PRKD1: variants seen among roughly 807,000 people sequenced by gnomAD.
PRKD1 encodes protein kinase D1, also known as serine/threonine-protein kinase D1.
A neutral mutation model predicts 95.9 loss-of-function variants in PRKD1; 63 were observed. The ratio of observed to expected loss-of-function variants is 0.66; its 90% confidence interval spans 0.54 to 0.81. PRKD1 has a LOEUF of 0.81. Ranked by LOEUF, PRKD1 falls within the 30% of genes least tolerant of loss-of-function variation. The probability of loss-of-function intolerance (pLI) is 0.00; values close to 1 mark genes in which losing one functional copy is unlikely to be tolerated. For synonymous variants in PRKD1, 425 were observed against 423.1 expected (o/e 1.00, Z -0.05); for missense variants, 1,048 against 1,165.3 (o/e 0.90, Z 1.47).
At chr14:29,647,789 T>C (rs533527271) in intron 4 of PRKD1, among the ~76,000 whole-genome samples, 2 of 152,186 alleles carry the variant, frequency 1.3e-5, no homozygotes, top group Admixed American at 1.3e-4. Context: ...CAAATAGGGG[T>C]GCAGGAGAGT....
At position 29,795,332 on chromosome 14, in the gene PRKD1, T is replaced by G. The variant is rs45462892; in HGVS notation, c.265-69658A>C. 5.9e-3 allele frequency among the ~76,000 whole-genome samples: 900 copies of G among 152,128 alleles called. 6 individuals are homozygous for G. Among genetic ancestry groups the G allele is most frequent in the Non-Finnish European group, 6.9e-3 (468 of 67,910 alleles). ...TTAATTACATTCAATCTCTTTTATA[T>G]ACTAAATGTCATCCTGTCATTGAAT... On this transcript the variant is annotated intron_variant, in intron 1 of 17. Transcript: ENST00000331968.
intron 1 of PRKD1, among the ~76,000 whole-genome samples, chr14:29,874,490 G>T (rs543432005): frequency 3.9e-5 from 6 of 152,226 alleles, no homozygotes; most frequent in African/African-American, 1.2e-4. Context: ...CAAAGGAAAA[G>T]AAATTAGTAT....
intron 1 of PRKD1, among the ~76,000 whole-genome samples, chr14:29,744,794 G>C (rs192160310): frequency 6.6e-6 from 1 of 152,060 alleles, no homozygotes; most frequent in East Asian, 1.9e-4. Context: ...TGATCCACCC[G>C]CCTTGGCCTC....
At chr14:29,812,559 T>G (rs1473315321) in intron 1 of PRKD1, among the ~76,000 whole-genome samples, 4 of 152,088 alleles carry the variant, frequency 2.6e-5, no homozygotes, top group Admixed American at 2.6e-4. Context: ...AAACCTACAA[T>G]CATGGTGGAA....
chr14:29,593,489 G>C (rs1893200092), intron 16 of PRKD1, among the ~76,000 whole-genome samples: 1 of 152,160 alleles, frequency 6.6e-6, no homozygotes, highest in Non-Finnish European at 1.5e-5. Context: ...CCGAATGATT[G>C]TTCCCTGGGT....
chr14:29,716,083 A>G (rs1403908047), intron 2 of PRKD1, among the ~76,000 whole-genome samples: 1 of 152,166 alleles, frequency 6.6e-6, no homozygotes. Flanking sequence ...CTTCACAGTA[A>G]CCAGAGCATA....
intron 1 of PRKD1, among the ~76,000 whole-genome samples, chr14:29,847,605 T>A (rs1466038324): frequency 2.0e-5 from 3 of 152,212 alleles, no homozygotes; most frequent in African/African-American, 7.2e-5. Context: ...ACTCTGATCA[T>A]ATATTTCATG....
chr14:29,876,720 C>CA lies in PRKD1; in HGVS notation c.264+50528dup, dbSNP rs551606697. On this transcript the variant is annotated intron_variant, in intron 1 of 17. Coordinates refer to ENST00000331968, the MANE Select transcript of PRKD1 (RefSeq NM_002742.3). ...CAACTCTACAGCAAAAACAAACAAACAAAAAAAAACAAAAAAAAGCACCCA... is the reference window on the plus strand; with the variant it reads ...CAACTCTACAGCAAAAACAAACAAACAAAAAAAAAACAAAAAAAAGCACCCA... Among the ~76,000 whole-genome samples, 351 of 146,706 alleles carry CA rather than the reference C, an allele frequency of 2.4e-3. 1 individual carries two copies. Among genetic ancestry groups the CA allele is most frequent in the African/African-American group, 6.4e-3 (257 of 40,174 alleles).
At chr14:29,916,854 C>T (rs917900827) in intron 1 of PRKD1, among the ~76,000 whole-genome samples, 1 of 152,140 alleles carries the variant, frequency 6.6e-6, no homozygotes, top group African/African-American at 2.4e-5. Context: ...GAAATGTCTT[C>T]GAACTCATCC....
rs147308040 is a variant in PRKD1 at position 29,676,177 on chromosome 14, G to GTTTTTTTTTTTTTTTTTT, written c.404-9970_404-9969insAAAAAAAAAAAAAAAAAA. On this transcript the variant is annotated intron_variant, in intron 2 of 17. Coordinates refer to ENST00000331968, the MANE Select transcript of PRKD1 (RefSeq NM_002742.3). ...GCTGTAGGCATGCATAGTTCATTAC[G>GTTTTTTTTTTTTTTTTTT]TTTTTGTTTTTTTTTTTTTTTTTTT... 1.6e-3 allele frequency among the ~76,000 whole-genome samples: 164 copies of GTTTTTTTTTTTTTTTTTT among 104,666 alleles called. 8 individuals are homozygous for GTTTTTTTTTTTTTTTTTT. The highest frequency in any genetic ancestry group is 2.8e-3 in the South Asian group (8 of 2,836). The allele number at this position is 104,666 out of a possible 152,430, so 68.7% of individuals were successfully genotyped here. A position where few individuals can be genotyped will look rare whatever the true frequency, so the allele number is the denominator to read the frequency against.
chr14:29,665,828 A>G (rs932892070), intron 3 of PRKD1, among the ~76,000 whole-genome samples: 29 of 152,190 alleles, frequency 1.9e-4, no homozygotes, highest in African/African-American at 7.0e-4. Context: ...GTGTATATAT[A>G]GATAGATCTA....
intron 1 of PRKD1, among the ~76,000 whole-genome samples, chr14:29,864,133 A>G (rs993354849): frequency 3.3e-5 from 5 of 152,126 alleles, no homozygotes; most frequent in Non-Finnish European, 7.4e-5. Flanking sequence ...ACTTAGCCAC[A>G]TTAATTAAAA....
intron 13 of PRKD1, among the ~76,000 whole-genome samples, chr14:29,617,795 A>C (rs961223669): frequency 4.6e-5 from 7 of 152,078 alleles, no homozygotes; most frequent in African/African-American, 1.7e-4. Context: ...GGCCTGGTGC[A>C]GTGTCTCATG....
chr14:29,719,622 C>A (rs985585104), intron 2 of PRKD1, among the ~76,000 whole-genome samples: 2 of 152,298 alleles, frequency 1.3e-5, no homozygotes, highest in Middle Eastern at 3.4e-3. Context: ...AGGCAAGTTA[C>A]AATTTATATT....
chr14:29,895,571 C>A (rs529915939), intron 1 of PRKD1, among the ~76,000 whole-genome samples: 19 of 152,164 alleles, frequency 1.2e-4, no homozygotes, highest in South Asian at 4.1e-4. Context: ...AAGTCTCATT[C>A]GGAGGGAAAG....
chr14:29,791,129 A>G (rs1423876470), intron 1 of PRKD1, among the ~76,000 whole-genome samples: 1 of 152,236 alleles, frequency 6.6e-6, no homozygotes, highest in Non-Finnish European at 1.5e-5. Flanking sequence ...CTTTAAATAT[A>G]CACAGAGATT....
At chr14:29,709,897 G>A (rs879081449) in intron 2 of PRKD1, among the ~76,000 whole-genome samples, 10 of 151,886 alleles carry the variant, frequency 6.6e-5, no homozygotes, top group Non-Finnish European at 1.5e-4. Flanking sequence ...CAGACACACC[G>A]GGAATAACCT....
intron 1 of PRKD1, among the ~76,000 whole-genome samples, chr14:29,819,765 AATC>A (rs1890837301): frequency 6.6e-6 from 1 of 152,226 alleles, no homozygotes; most frequent in Non-Finnish European, 1.5e-5. Context: ...TGTTTAGATG[AATC>A]TAGGTAAAAG....
At chr14:29,908,596 A>G (rs928905466) in intron 1 of PRKD1, among the ~76,000 whole-genome samples, 2 of 152,220 alleles carry the variant, frequency 1.3e-5, no homozygotes, top group African/African-American at 4.8e-5. Context: ...ACATTGGTCA[A>G]TTTTTAAAAT....
Sources: gnomAD v4.1 joint callset for allele counts (sites outside exome capture counted in the v4.1 genomes callset) on GRCh38, gnomAD v4.1.1 for gene constraint, MANE v1.5 for transcripts, NCBI Gene and HGNC (gene_info 2026-07-23, HGNC 2026-07-21) for gene names.